The following SPECC1 variants were observed in gnomAD, a reference collection of about 807,000 sequenced individuals.
SPECC1 encodes the protein cytospin-B.
In SPECC1, 62 loss-of-function variants were observed where a neutral mutation model predicts 104.1. The ratio of observed to expected loss-of-function variants is 0.60; its 90% CI spans 0.49 to 0.74. The LOEUF (loss-of-function observed/expected upper bound fraction) is 0.74. Ranked by LOEUF, SPECC1 falls within the 30% of genes least tolerant of loss-of-function variation. The pLI is 0.00. For missense variants in SPECC1, 1,306 were observed against 1,310.5 expected, an observed-to-expected ratio of 1.00 and a Z score of 0.05; for synonymous variants, 513 against 501.6, an observed-to-expected ratio of 1.02 and a Z score of -0.30.
At chr17:20,199,821 G>A (rs939745206) in intron 3 of SPECC1, among the ~76,000 whole-genome samples, 3 of 151,274 alleles carry the variant, frequency 2.0e-5, no homozygotes, top group Non-Finnish European at 3.0e-5. Context: ...ACAGAGTCTC[G>A]CTCTGTTGCC....
intron 1 of SPECC1, among the ~76,000 whole-genome samples, chr17:20,058,485 C>T (rs1171384106): frequency 6.6e-6 from 1 of 151,912 alleles, no homozygotes; most frequent in East Asian, 1.9e-4. Context: ...TGGTGAGACC[C>T]CCATCTCTAT....
At position 20,021,273 on chromosome 17, in the gene SPECC1, G is replaced by C. The variant is rs77802519; in HGVS notation, c.-22+11849G>C. On this transcript the variant is annotated intron_variant, in intron 1 of 14. Transcript: ENST00000395527. ...CAGTTCAAACCTGTGCTATTCAAGGGTCACGCGTATACTGCTTTGTGTGCA... is the reference window on the plus strand; with the variant it reads ...CAGTTCAAACCTGTGCTATTCAAGGCTCACGCGTATACTGCTTTGTGTGCA... Among the ~76,000 whole-genome samples the C allele has an allele frequency of 2.7e-3, 411 of 151,992 alleles. 16 individuals carry two copies. In the East Asian group the frequency reaches 0.076, roughly 28 times the overall value.
At chr17:20,116,159 C>T (rs2152530218) in intron 3 of SPECC1, among the ~76,000 whole-genome samples, 1 of 152,186 alleles carries the variant, frequency 6.6e-6, no homozygotes. Flanking sequence ...GCGATCTTGG[C>T]TCACGGCAAG....
At chr17:20,045,284 T>C (rs2045494862) in intron 1 of SPECC1, among the ~76,000 whole-genome samples, 1 of 152,218 alleles carries the variant, frequency 6.6e-6, no homozygotes, top group Non-Finnish European at 1.5e-5. Flanking sequence ...CTCTTTTTGA[T>C]GGTTGAATGA....
chr17:20,246,098 A>G, intron 8 of SPECC1, 27 bp downstream of exon 8: 1 of 1,611,148 alleles, frequency 6.2e-7, no homozygotes, highest in Non-Finnish European at 8.5e-7. Context: ...TCTATAAGCA[A>G]AGCTCCAAAT....
chr17:20,157,467 CATAAA>C (rs2032699845), intron 3 of SPECC1, among the ~76,000 whole-genome samples: 1 of 152,100 alleles, frequency 6.6e-6, no homozygotes, highest in African/African-American at 2.4e-5. Flanking sequence ...ATGAAATATG[CATAAA>C]ATAAAAATAA....
At chr17:20,253,461 G>T (rs1452337862) in intron 9 of SPECC1, 44 bp from the exon 10 acceptor site, 3 of 1,592,388 alleles carry the variant, frequency 1.9e-6, no homozygotes. Context: ...TGCTATTCTT[G>T]ATGTTATGAG....
intron 3 of SPECC1, among the ~76,000 whole-genome samples, chr17:20,145,817 T>C (rs1462241574): frequency 6.6e-6 from 1 of 152,250 alleles, no homozygotes; most frequent in Non-Finnish European, 1.5e-5. Flanking sequence ...AAATGGCTGA[T>C]AGGTAGTCCA....
rs977077391 is a variant in SPECC1, at chr17:20,127,072, T to G, written c.283+16510T>G. ...TTTCAAAGTTTATCATCTAATGTGCTTTGCTTTGTATGTTTCTTTTCTTCA... is the reference window on the plus strand; with the variant it reads ...TTTCAAAGTTTATCATCTAATGTGCGTTGCTTTGTATGTTTCTTTTCTTCA... On this transcript the variant is annotated intron_variant, in intron 3 of 14. Transcript: ENST00000395527. Among the ~76,000 whole-genome samples, 4 of 152,380 alleles carry G rather than the reference T, an allele frequency of 2.6e-5. No individual in the cohort carries two copies. In the East Asian group the frequency reaches 7.7e-4, roughly 29 times the overall value.
At chr17:20,058,660 A>T (rs571171370) in intron 1 of SPECC1, among the ~76,000 whole-genome samples, 1 of 151,860 alleles carries the variant, frequency 6.6e-6, no homozygotes, top group South Asian at 2.1e-4. Flanking sequence ...CCGTGTATTT[A>T]AAAAAAAGTT....
At chr17:20,219,915 A>G (rs2037753400) in intron 4 of SPECC1, among the ~76,000 whole-genome samples, 1 of 152,086 alleles carries the variant, frequency 6.6e-6, no homozygotes, top group African/African-American at 2.4e-5. Flanking sequence ...TTTTCCTAGC[A>G]CCATTTACTG....
In SPECC1 at chr17:20,110,561, A is replaced by G; in HGVS notation, c.282A>G (p.Thr94=). The G allele has an allele frequency of 1.2e-6, 2 of 1,611,862 alleles. No homozygotes were observed. Among genetic ancestry groups the G allele is most frequent in the Middle Eastern group, 1.8e-4 (1 of 5,484 alleles). ...CGGAGAGCCGCCTGAGGAGCGGCAC[A>G]GGTAGGAGGGACCGGGCAGGTGGGC... is the stretch of plus-strand genomic sequence containing the variant. ...ELTESRLRSG[T]GAFTTTKRTG... The change falls in exon 3 of 15, where the codon ACA becomes ACG. Residue 94 remains threonine (T), a splice_region_variant and synonymous_variant. Transcript: ENST00000395527.
At chr17:20,220,192 T>TA (rs908462743) in intron 4 of SPECC1, among the ~76,000 whole-genome samples, 7 of 151,836 alleles carry the variant, frequency 4.6e-5, no homozygotes, top group East Asian at 1.9e-4. Flanking sequence ...TTTTAGGATT[T>TA]AAAAAAAATT....
chr17:20,180,877 A>G (rs747807323), intron 3 of SPECC1, among the ~76,000 whole-genome samples: 6 of 152,186 alleles, frequency 3.9e-5, no homozygotes, highest in Non-Finnish European at 8.8e-5. Context: ...ATTTTCCCCT[A>G]GGTCTAGGGA....
At chr17:20,226,846 C>CTCTAA (rs2038240287) in intron 4 of SPECC1, among the ~76,000 whole-genome samples, 2 of 152,144 alleles carry the variant, frequency 1.3e-5, no homozygotes, top group African/African-American at 4.8e-5. Context: ...AGAAGCATTG[C>CTCTAA]AGCCCCAAGT....
At chr17:20,112,142 TA>T in intron 3 of SPECC1, 14 of 763,366 alleles carry the variant, frequency 1.8e-5, no homozygotes, top group South Asian at 1.5e-4. Flanking sequence ...CAGAGCACTT[TA>T]GTGAATAAAG....
chr17:20,248,768 C>T (rs1264217287), intron 9 of SPECC1, among the ~76,000 whole-genome samples: 1 of 152,040 alleles, frequency 6.6e-6, no homozygotes, highest in African/African-American at 2.4e-5. Context: ...AACATTTTTT[C>T]ATATGTAATT....
At chr17:20,153,639 A>T (rs1168249698) in intron 3 of SPECC1, among the ~76,000 whole-genome samples, 2 of 152,230 alleles carry the variant, frequency 1.3e-5, no homozygotes, top group African/African-American at 4.8e-5. Flanking sequence ...GAGCCATAGG[A>T]GTCCAGGTTG....
rs79163271 is a variant in SPECC1 at position 20,254,371 on chromosome 17, C to G, written c.2680+785C>G. On this transcript the variant is annotated intron_variant, in intron 10 of 14. Transcript: ENST00000395527. ...CTCAGCCTGGCTTTGGCCCCATCAC[C>G]CCACTTCTCTGTGCTTTAGTCTCCT... Among the ~76,000 whole-genome samples, 245 of 152,240 alleles carry G rather than the reference C, an allele frequency of 1.6e-3. 1 individual carries two copies. Among genetic ancestry groups the G allele is most frequent in the African/African-American group, 5.8e-3 (239 of 41,550 alleles).
Sources: allele counts gnomAD v4.1 joint callset (sites outside exome capture counted in the v4.1 genomes callset), GRCh38; gene constraint gnomAD v4.1.1; transcripts MANE v1.5; gene names NCBI Gene and HGNC (gene_info 2026-07-23, HGNC 2026-07-21).